Variants in ITGA8 observed in about 807,000 individuals in gnomAD.
ITGA8 encodes the protein integrin subunit alpha 8.
Under a neutral mutation model 142.3 loss-of-function variants are expected in ITGA8, and 91 were observed. That is an observed-to-expected ratio of 0.64 (90% confidence interval 0.54 to 0.76). ITGA8 has a LOEUF of 0.76. Ranked by LOEUF, ITGA8 falls within the 30% of genes least tolerant of loss-of-function variation. The probability of loss-of-function intolerance (pLI) is 0.00; values close to 1 mark genes in which losing one functional copy is unlikely to be tolerated. For synonymous variants in ITGA8, 505 were observed against 485.2 expected (o/e 1.04, Z -0.54); for missense variants, 1,406 against 1,327.7 (o/e 1.06, Z -0.92).
chr10:15,525,566 C>T (rs919375963), intron 28 of ITGA8, among the ~76,000 whole-genome samples: 8 of 129,866 alleles, frequency 6.2e-5, no homozygotes, highest in Non-Finnish European at 1.1e-4. Context: ...CACTTGAACC[C>T]GGGAGGCGGA....
intron 2 of ITGA8, 138 bp from the exon 3 acceptor site, chr10:15,688,176 T>C (rs1386126498): frequency 1.6e-6 from 1 of 634,460 alleles, no homozygotes; most frequent in Non-Finnish European, 2.8e-6. Flanking sequence ...GAAAAGAGGC[T>C]GGGTATGGTG....
intron 23 of ITGA8, among the ~76,000 whole-genome samples, chr10:15,585,893 G>A (rs1832819772): frequency 6.6e-6 from 1 of 152,118 alleles, no homozygotes; most frequent in Non-Finnish European, 1.5e-5. Context: ...AACTCCAGAT[G>A]TGGTGTGGTA....
At chr10:15,550,643 G>A (rs17137440) in intron 26 of ITGA8, among the ~76,000 whole-genome samples, 27,671 of 152,134 alleles carry the variant, frequency 0.18, 2,600 homozygotes, top group Admixed American at 0.2. Context: ...CTTGAGAAAG[G>A]GAAGAGCAGG....
At chr10:15,573,384 G>A (rs1404112973) in intron 24 of ITGA8, among the ~76,000 whole-genome samples, 1 of 151,802 alleles carries the variant, frequency 6.6e-6, no homozygotes, top group East Asian at 1.9e-4. Flanking sequence ...CAGAAACCAG[G>A]ACACACAGCT....
intron 8 of ITGA8, among the ~76,000 whole-genome samples, chr10:15,661,348 C>G (rs535987604): frequency 6.6e-6 from 1 of 152,280 alleles, no homozygotes; most frequent in Admixed American, 6.5e-5. Context: ...CATCCCAAAA[C>G]CATCCCTCAC....
At chr10:15,595,172 A>G (rs1361634899) in intron 21 of ITGA8, among the ~76,000 whole-genome samples, 1 of 152,202 alleles carries the variant, frequency 6.6e-6, no homozygotes, top group African/African-American at 2.4e-5. Context: ...TCTGAATACT[A>G]TCTTGAATAT....
chr10:15,634,531 G>C (rs891946787), intron 13 of ITGA8, among the ~76,000 whole-genome samples: 1 of 151,974 alleles, frequency 6.6e-6, no homozygotes. Flanking sequence ...GATTTAATTC[G>C]GGCCCGTGAG....
chr10:15,540,538 A>G (rs900363047), intron 27 of ITGA8, among the ~76,000 whole-genome samples: 2 of 152,234 alleles, frequency 1.3e-5, no homozygotes, highest in Non-Finnish European at 2.9e-5. Context: ...TCTGCCCAAA[A>G]TGCAAGAAGT....
intron 14 of ITGA8, 69 bp downstream of exon 14, chr10:15,616,445 A>G: frequency 1.7e-6 from 2 of 1,167,230 alleles, no homozygotes; most frequent in Non-Finnish European, 1.3e-6. Context: ...TGCTCTCTTT[A>G]AGGCAGAACT....
At chr10:15,581,492 C>G (rs1834405547) in intron 23 of ITGA8, among the ~76,000 whole-genome samples, 1 of 152,106 alleles carries the variant, frequency 6.6e-6, no homozygotes, top group Admixed American at 6.5e-5. Context: ...TCAATGAGTT[C>G]TGTGTACTTC....
intron 8 of ITGA8, among the ~76,000 whole-genome samples, chr10:15,671,211 G>T (rs1490257972): frequency 6.6e-6 from 1 of 152,126 alleles, no homozygotes; most frequent in Non-Finnish European, 1.5e-5. Flanking sequence ...TAAGGTTGGG[G>T]TGTTGGATTG....
At chr10:15,709,975 G>A (rs935941411) in intron 2 of ITGA8, among the ~76,000 whole-genome samples, 4 of 152,108 alleles carry the variant, frequency 2.6e-5, no homozygotes, top group African/African-American at 7.2e-5. Context: ...CAACTAAGAT[G>A]CCATCTTCTA....
intron 8 of ITGA8, 97 bp downstream of exon 8, chr10:15,671,506 A>G: frequency 2.1e-6 from 2 of 960,444 alleles, no homozygotes; most frequent in East Asian, 2.5e-5. Context: ...TCCCTTTGGT[A>G]TAGCAAATAA....
At chr10:15,597,729 A>G (rs1833033122) in intron 20 of ITGA8, among the ~76,000 whole-genome samples, 1 of 152,122 alleles carries the variant, frequency 6.6e-6, no homozygotes, top group Non-Finnish European at 1.5e-5. Context: ...TTTGCCAGAT[A>G]ATTGCCTTGA....
At chr10:15,688,302 C>CAAAAAAAACAA (rs1834870264) in intron 2 of ITGA8, among the ~76,000 whole-genome samples, 1 of 112,798 alleles carries the variant, frequency 8.9e-6, no homozygotes, top group East Asian at 2.5e-4. Context: ...CAAAAAATAC[C>CAAAAAAAACAA]AAAAAAAAAA....
chr10:15,586,173 C>T (rs2131592029), intron 23 of ITGA8, among the ~76,000 whole-genome samples: 1 of 150,832 alleles, frequency 6.6e-6, no homozygotes, highest in East Asian at 2.0e-4. Context: ...ATTCTCCTGC[C>T]TCAGCCTCCT....
intron 25 of ITGA8, among the ~76,000 whole-genome samples, chr10:15,565,958 T>A (rs2131576610): frequency 6.6e-6 from 1 of 151,726 alleles, no homozygotes; most frequent in East Asian, 2.0e-4. Context: ...GGGAAAGAGG[T>A]CAAGAACTGT....
intron 25 of ITGA8, among the ~76,000 whole-genome samples, chr10:15,563,529 A>G (rs1378064342): frequency 6.6e-6 from 1 of 152,198 alleles, no homozygotes; most frequent in East Asian, 1.9e-4. Context: ...GAGGCACTAT[A>G]AAAAACAAGG....
chr10:15,604,173 C>A (rs1222738207), intron 20 of ITGA8, 35 bp downstream of exon 20: 1 of 1,587,264 alleles, frequency 6.3e-7, no homozygotes. Flanking sequence ...AAAAATATAC[C>A]TAGCTCTTGA....
Sources: gnomAD v4.1 joint callset for allele counts (sites outside exome capture counted in the v4.1 genomes callset) on GRCh38, gnomAD v4.1.1 for gene constraint, MANE v1.5 for transcripts, NCBI Gene and HGNC (gene_info 2026-07-23, HGNC 2026-07-21) for gene names.